The following SDC2 variants were observed in gnomAD, a reference collection of about 807,000 sequenced individuals.
The protein encoded by SDC2 is syndecan 2, also known as syndecan-2.
In SDC2, 13 loss-of-function variants were observed where a neutral mutation model predicts 22.2. The observed-to-expected ratio is 0.59, with a 90% CI of 0.38 to 0.93. The LOEUF is 0.93. Among genes scored for constraint, SDC2 ranks in the 40% least tolerant of loss-of-function variants. The pLI is 0.00. For missense variants in SDC2, 235 were observed against 246.8 expected (o/e 0.95, Z 0.32); for synonymous variants, 94 against 92.8 (o/e 1.01, Z -0.07).
intron 1 of SDC2, among the ~76,000 whole-genome samples, chr8:96,521,264 C>A (rs1173614641): frequency 6.6e-6 from 1 of 152,184 alleles, no homozygotes; most frequent in Non-Finnish European, 1.5e-5. Context: ...CAGGGATATT[C>A]AGATTTTTCT....
chr8:96,550,220 T>TTCCAAAAA (rs914919877), intron 1 of SDC2, among the ~76,000 whole-genome samples: 1 of 152,154 alleles, frequency 6.6e-6, no homozygotes, highest in Non-Finnish European at 1.5e-5. Flanking sequence ...CAGGTTGGGG[T>TTCCAAAAA]TCCAAAAATC....
At chr8:96,494,733 C>A (rs570359298) in intron 1 of SDC2, among the ~76,000 whole-genome samples, 5 of 152,252 alleles carry the variant, frequency 3.3e-5, no homozygotes, top group South Asian at 4.1e-4. Flanking sequence ...TCCTCGAGAC[C>A]AGGGATGACC....
chr8:96,608,933 C>G (rs1586330381), intron 4 of SDC2, among the ~76,000 whole-genome samples: 2 of 152,228 alleles, frequency 1.3e-5, no homozygotes, highest in Admixed American at 1.3e-4. Context: ...AAGGGGAAAA[C>G]TTTCAAGATT....
intron 4 of SDC2, 76 bp downstream of exon 4, chr8:96,608,546 C>A: frequency 1.5e-6 from 2 of 1,311,156 alleles, no homozygotes; most frequent in Admixed American, 2.4e-5. Flanking sequence ...TTCAAAAGTG[C>A]AGCAAAGCTT....
At chr8:96,543,668 G>A (rs143725676) in intron 1 of SDC2, among the ~76,000 whole-genome samples, 13 of 152,250 alleles carry the variant, frequency 8.5e-5, no homozygotes, top group African/African-American at 2.6e-4. Flanking sequence ...AGTCTTAGCC[G>A]CATCCTGTGT....
chr8:96,567,640 T>C (rs1814323123), intron 1 of SDC2, among the ~76,000 whole-genome samples: 1 of 152,242 alleles, frequency 6.6e-6, no homozygotes, highest in African/African-American at 2.4e-5. Flanking sequence ...ATTAGAATAG[T>C]GGCCCCCAGT....
At chr8:96,589,284 G>A (rs554470462) in intron 1 of SDC2, among the ~76,000 whole-genome samples, 22 of 152,148 alleles carry the variant, frequency 1.4e-4, no homozygotes, top group Non-Finnish European at 2.9e-4. Context: ...TTTTTGTATT[G>A]GTGCCTGGGG....
chr8:96,507,661 C>T (rs1813262816), intron 1 of SDC2, among the ~76,000 whole-genome samples: 3 of 152,134 alleles, frequency 2.0e-5, no homozygotes, highest in Non-Finnish European at 4.4e-5. Context: ...AAGCAAAATC[C>T]TCATGAATTA....
At chr8:96,514,443 C>T (rs1218151730) in intron 1 of SDC2, among the ~76,000 whole-genome samples, 2 of 152,174 alleles carry the variant, frequency 1.3e-5, no homozygotes, top group Non-Finnish European at 2.9e-5. Context: ...CGCACTTTGA[C>T]CAGGCAACCC....
chr8:96,500,759 A>T (rs548193817), intron 1 of SDC2, among the ~76,000 whole-genome samples: 11 of 151,806 alleles, frequency 7.2e-5, no homozygotes, highest in African/African-American at 2.4e-4. Flanking sequence ...CTGCATTTTG[A>T]TAAGTCTGTT....
At chr8:96,548,806 A>G (rs912703506) in intron 1 of SDC2, among the ~76,000 whole-genome samples, 4 of 152,176 alleles carry the variant, frequency 2.6e-5, no homozygotes, top group Admixed American at 6.5e-5. Flanking sequence ...TGAACATGAA[A>G]CAAGGAATTT....
At position 96,559,843 on chromosome 8, in the gene SDC2, T is replaced by C. The variant is rs531980619; in HGVS notation, c.61-33637T>C. On this transcript the variant is annotated intron_variant, in intron 1 of 4. Transcript: ENST00000302190. The stretch of plus-strand genomic sequence containing the variant: ...TACTACTGAACTTCCTAATGTGAAA[T>C]GAATTGTCTGTTTTGGAACAAAACA... 2.0e-5 allele frequency among the ~76,000 whole-genome samples: 3 copies of C among 152,340 alleles called. No individual in the cohort carries two copies. The South Asian group carries it at 6.2e-4, about 32-fold the overall frequency.
chr8:96,562,809 C>T (rs1280418477), intron 1 of SDC2, among the ~76,000 whole-genome samples: 1 of 152,176 alleles, frequency 6.6e-6, no homozygotes, highest in Non-Finnish European at 1.5e-5. Context: ...TTAAGGCTGA[C>T]CTCCATTCCA....
chr8:96,497,060 G>T (rs1813088172), intron 1 of SDC2, among the ~76,000 whole-genome samples: 1 of 151,982 alleles, frequency 6.6e-6, no homozygotes, highest in African/African-American at 2.4e-5. Flanking sequence ...AATTTGAACT[G>T]GAAATATGTT....
chr8:96,543,400 G>A (rs1438399567), intron 1 of SDC2, among the ~76,000 whole-genome samples: 2 of 152,158 alleles, frequency 1.3e-5, no homozygotes, highest in African/African-American at 4.8e-5. Flanking sequence ...CCTTAGGTAT[G>A]AGGAAAAGCC....
chr8:96,565,855 G>A (rs931544478), intron 1 of SDC2, among the ~76,000 whole-genome samples: 3 of 152,156 alleles, frequency 2.0e-5, no homozygotes, highest in Admixed American at 6.5e-5. Flanking sequence ...CCTGGAAGTT[G>A]TAGAATTCAG....
rs930458718 is a variant in SDC2 at position 96,494,115 on chromosome 8, CCCCCGAG to C, written c.-146_-140del. 5 of 675,654 alleles carry C rather than the reference CCCCCGAG, an allele frequency of 7.4e-6. No homozygotes were observed. The highest frequency in any genetic ancestry group is 2.0e-5 in the South Asian group (1 of 49,494). 41.9% of individuals were successfully genotyped at this position (675,654 alleles called of 1,614,324 possible). On this transcript the variant is annotated 5_prime_UTR_variant, in exon 1 of 5. Transcript: ENST00000302190. ...CAGGCGCAGGAGGAGGAAGCGAGCG[CCCCCGAG>C]CCCCGAGCCCGAGTCCCCGAGCCTG...
chr8:96,567,031 T>C (rs1814311522), intron 1 of SDC2, among the ~76,000 whole-genome samples: 1 of 152,186 alleles, frequency 6.6e-6, no homozygotes, highest in South Asian at 2.1e-4. Context: ...TTTTTGTATT[T>C]TTAGTAGAGA....
chr8:96,594,028 G>A (rs995482669), intron 2 of SDC2, among the ~76,000 whole-genome samples: 3 of 152,156 alleles, frequency 2.0e-5, no homozygotes, highest in African/African-American at 7.2e-5. Flanking sequence ...GTTAAAAATT[G>A]TAGATGAGAC....
Sources: allele counts gnomAD v4.1 joint callset (sites outside exome capture counted in the v4.1 genomes callset), GRCh38; gene constraint gnomAD v4.1.1; transcripts MANE v1.5; gene names NCBI Gene and HGNC (gene_info 2026-07-23, HGNC 2026-07-21).